Variants in KCNA2 observed in about 807,000 individuals in gnomAD.
KCNA2 encodes the protein potassium voltage-gated channel subfamily A member 2, also known as potassium channel, voltage gated shaker related subfamily A, member 2.
In KCNA2, 11 loss-of-function variants were observed where a neutral mutation model predicts 33.4. The ratio of observed to expected loss-of-function variants is 0.33; its 90% CI spans 0.21 to 0.55. The LOEUF (loss-of-function observed/expected upper bound fraction) is 0.55. Among genes scored for constraint, KCNA2 ranks in the 20% least tolerant of loss-of-function variants. The probability of loss-of-function intolerance (pLI) is 0.93; values close to 1 mark genes in which losing one functional copy is unlikely to be tolerated. For synonymous variants in KCNA2, 222 were observed against 231.3 expected, an observed-to-expected ratio of 0.96 and a Z score of 0.37; for missense variants, 291 against 621.6, an observed-to-expected ratio of 0.47 and a Z score of 5.66.
At chr1:110,613,813 A>G (rs1383137113) in intron 1 of KCNA2, among the ~76,000 whole-genome samples, 1 of 152,152 alleles carries the variant, frequency 6.6e-6, no homozygotes, top group Non-Finnish European at 1.5e-5. Flanking sequence ...GAACTCAGGC[A>G]CTGTGGCTCC....
rs1649430446 is a variant in KCNA2 at position 110,603,135 on chromosome 1, A to G, written c.*148T>C. 4.8e-6 allele frequency: 7 copies of G among 1,445,638 alleles called. No homozygotes were observed. In the South Asian group the frequency reaches 1.1e-4, roughly 22 times the overall value. The allele number at this position is 1,445,638 out of a possible 1,614,324, so 89.6% of individuals were successfully genotyped here. On this transcript the variant is annotated 3_prime_UTR_variant, in exon 3 of 3. Coordinates refer to ENST00000316361, the MANE Select transcript of KCNA2 (RefSeq NM_004974.4). This position sits in a 1 kb window ranked among gnomAD's most constrained non-coding sequence, Gnocchi z 5.7. ...GATAGATATTCTGTGTTCTAAATCA[A>G]AAGTCAAAAGATCAAAAGTCACTTG...
intron 1 of KCNA2, among the ~76,000 whole-genome samples, chr1:110,617,032 G>A (rs922835342): frequency 7.9e-5 from 12 of 152,224 alleles, no homozygotes; most frequent in African/African-American, 2.4e-4. Context: ...CAAAGACCCC[G>A]AAAGAGGTGT....
intron 1 of KCNA2, among the ~76,000 whole-genome samples, chr1:110,623,546 A>G (rs1325444298): frequency 3.3e-5 from 5 of 152,238 alleles, no homozygotes; most frequent in Non-Finnish European, 7.3e-5. Context: ...AGGAAAACAT[A>G]TTAGCAAATC....
In KCNA2 at chr1:110,596,203, A is replaced by G. The variant is rs1349879424; in HGVS notation, c.*7080T>C. The stretch of plus-strand genomic sequence containing the variant: ...TGGAGAGGTGAAAAGAATGCAAAGG[A>G]GGTCATTCAAAAAATGCACATAAAT... On this transcript the variant is annotated 3_prime_UTR_variant, in exon 3 of 3. Transcript: ENST00000316361. The G allele has an allele frequency of 1.0e-6, 1 of 985,120 alleles. No individual in the cohort carries two copies. Among genetic ancestry groups the G allele is most frequent in the Non-Finnish European group, 1.2e-6 (1 of 829,792 alleles). 61.0% of individuals were successfully genotyped at this position (985,120 alleles called of 1,614,324 possible). A position where few individuals can be genotyped will look rare whatever the true frequency, so the allele number is the denominator to read the frequency against.
rs1462674488 is a variant in KCNA2, at chr1:110,601,802, G to A, written c.*1481C>T. On this transcript the variant is annotated 3_prime_UTR_variant, in exon 3 of 3. Transcript: ENST00000316361. ...AATATATATATATATATATGTGTGT[G>A]TGTGTGTGTGTGTGTGTGTGTGTGT... is the stretch of plus-strand genomic sequence containing the variant. 1.5e-5 allele frequency: 18 copies of A among 1,223,664 alleles called. No individual in the cohort carries two copies. Among genetic ancestry groups the A allele is most frequent in the African/African-American group, 1.3e-4 (8 of 62,294 alleles). The allele number at this position is 1,223,664 out of a possible 1,614,324, so 75.8% of individuals were successfully genotyped here.
At chr1:110,622,998 A>C (rs1190235806) in intron 1 of KCNA2, among the ~76,000 whole-genome samples, 1 of 152,220 alleles carries the variant, frequency 6.6e-6, no homozygotes, top group Non-Finnish European at 1.5e-5. Context: ...ACTGCAAGGA[A>C]CCTAGAATAA....
intron 1 of KCNA2, among the ~76,000 whole-genome samples, chr1:110,612,862 A>G (rs1649920525): frequency 6.6e-6 from 1 of 152,230 alleles, no homozygotes; most frequent in Non-Finnish European, 1.5e-5. Flanking sequence ...TAACTGGCTT[A>G]AAACAGACAG....
At chr1:110,611,625 C>T (rs1223020603) in intron 1 of KCNA2, among the ~76,000 whole-genome samples, 2 of 150,770 alleles carry the variant, frequency 1.3e-5, no homozygotes, top group Admixed American at 1.3e-4. Context: ...ACTCGGGAGG[C>T]TAAGTTGAGA....
At chr1:110,625,630 G>A (rs1383868264) in intron 1 of KCNA2, among the ~76,000 whole-genome samples, 2 of 152,102 alleles carry the variant, frequency 1.3e-5, no homozygotes, top group Admixed American at 6.5e-5. Flanking sequence ...CTTTTGCACA[G>A]TAAAAAATAT....
At chr1:110,613,674 C>T (rs1277505647) in intron 1 of KCNA2, among the ~76,000 whole-genome samples, 1 of 152,216 alleles carries the variant, frequency 6.6e-6, no homozygotes, top group East Asian at 1.9e-4. Flanking sequence ...CACCAGGCAA[C>T]CCCTGTATCA....
Position 110,593,691 on chromosome 1 carries a change from G to A in KCNA2, c.*9592C>T. ...CTTGTGTCAATATTTACAAAAGACTGTGGAGCTCTATGAAGTCTATGTACA... is the reference window on the plus strand; with the variant it reads ...CTTGTGTCAATATTTACAAAAGACTATGGAGCTCTATGAAGTCTATGTACA... On this transcript the variant is annotated 3_prime_UTR_variant, in exon 3 of 3. Transcript: ENST00000316361. 2.4e-6 allele frequency: 1 copy of A among 423,876 alleles called. No homozygotes were observed. Among genetic ancestry groups the A allele is most frequent in the East Asian group, 3.6e-5 (1 of 27,994 alleles). The allele number at this position is 423,876 out of a possible 1,614,324, so 26.3% of individuals were successfully genotyped here.
Position 110,603,250 on chromosome 1 carries a change from C to T in KCNA2, c.*33G>A, listed in dbSNP as rs1194293186. On this transcript the variant is annotated 3_prime_UTR_variant, in exon 3 of 3. Coordinates refer to ENST00000316361, the MANE Select transcript of KCNA2 (RefSeq NM_004974.4). The surrounding 1 kb of genome is among the most constrained non-coding windows in gnomAD (Gnocchi z 5.7). Reference sequence around the variant, plus strand: ...CTATTATGCAACATCTGCATTAGTTCCATTGAGCTGTGAGTACGGTAATAG... The same window carrying T: ...CTATTATGCAACATCTGCATTAGTTTCATTGAGCTGTGAGTACGGTAATAG... The T allele has an allele frequency of 1.9e-6, 3 of 1,567,648 alleles. No homozygotes were observed. Among genetic ancestry groups the T allele is most frequent in the South Asian group, 1.2e-5 (1 of 80,884 alleles).
intron 1 of KCNA2, among the ~76,000 whole-genome samples, chr1:110,630,560 C>G (rs1464759545): frequency 6.6e-6 from 1 of 152,120 alleles, no homozygotes. Context: ...TCCTATTACC[C>G]AAAATCATCA....
intron 1 of KCNA2, among the ~76,000 whole-genome samples, chr1:110,620,610 T>G (rs1460596594): frequency 6.6e-6 from 1 of 152,158 alleles, no homozygotes; most frequent in Admixed American, 6.5e-5. Flanking sequence ...GATGGTGAGC[T>G]GTTGGCCTAA....
rs1266322784 is a variant in KCNA2 at position 110,601,490 on chromosome 1, G to A, written c.*1793C>T. 6.1e-6 allele frequency: 6 copies of A among 985,818 alleles called. No homozygotes were observed. Among genetic ancestry groups the A allele is most frequent in the East Asian group, 2.3e-4 (2 of 8,848 alleles). 61.1% of individuals were successfully genotyped at this position (985,818 alleles called of 1,614,324 possible). ...GATGAACAGGATGAACTGTAGAGAG[G>A]AGGCCCGGGGTGGGTCTGGCCCAGG... is the stretch of plus-strand genomic sequence containing the variant. On this transcript the variant is annotated 3_prime_UTR_variant, in exon 3 of 3. Coordinates refer to ENST00000316361, the MANE Select transcript of KCNA2 (RefSeq NM_004974.4).
rs1188057214 is a variant in KCNA2 at position 110,594,501 on chromosome 1, C to T, written c.*8782G>A. On this transcript the variant is annotated 3_prime_UTR_variant, in exon 3 of 3. Coordinates refer to ENST00000316361, the MANE Select transcript of KCNA2 (RefSeq NM_004974.4). ...TTCCTTGATTGCTGGCACCATTAAT[C>T]GCAACTGTTCCAAGATTATCCTTAG... 13 of 985,236 alleles carry T rather than the reference C, an allele frequency of 1.3e-5. No individual in the cohort carries two copies. Among genetic ancestry groups the T allele is most frequent in the Non-Finnish European group, 1.4e-5 (12 of 829,948 alleles). 61.0% of individuals were successfully genotyped at this position (985,236 alleles called of 1,614,324 possible).
chr1:110,598,377 G>A lies in KCNA2; in HGVS notation c.*4906C>T, dbSNP rs1426357917. The stretch of plus-strand genomic sequence containing the variant: ...CACCTTCATATGCAATTTGCACACT[G>A]TTCTATAGTTTCCTTAGGGGGGAGT... On this transcript the variant is annotated 3_prime_UTR_variant, in exon 3 of 3. Transcript: ENST00000316361. 4 of 985,184 alleles carry A rather than the reference G, an allele frequency of 4.1e-6. No individual in the cohort carries two copies. Among genetic ancestry groups the A allele is most frequent in the East Asian group, 2.3e-4 (2 of 8,812 alleles). The allele number at this position is 985,184 out of a possible 1,614,324, so 61.0% of individuals were successfully genotyped here. A position where few individuals can be genotyped will look rare whatever the true frequency, so the allele number is the denominator to read the frequency against.
chr1:110,629,264 TC>T (rs1650484426), intron 1 of KCNA2, among the ~76,000 whole-genome samples: 1 of 152,036 alleles, frequency 6.6e-6, no homozygotes, highest in African/African-American at 2.4e-5. Flanking sequence ...ATTTTTAAGG[TC>T]CCCACCAATG....
At chr1:110,607,564 G>A (rs1358816819), upstream of KCNA2, 1 of 152,202 alleles carries the variant, frequency 6.6e-6, no homozygotes, top group Non-Finnish European at 1.5e-5. Flanking sequence ...CCCGCCCCGC[G>A]AGGAAAACAT....
Sources: allele counts gnomAD v4.1 joint callset (sites outside exome capture counted in the v4.1 genomes callset), GRCh38; gene constraint gnomAD v4.1.1; non-coding constraint Gnocchi (gnomAD v3.1); transcripts MANE v1.5; gene names NCBI Gene and HGNC (gene_info 2026-07-23, HGNC 2026-07-21).